Variants in RBP2 observed in about 807,000 individuals in gnomAD.
RBP2 encodes retinol binding protein 2, also known as retinol-binding protein 2.
A neutral mutation model predicts 17.0 loss-of-function variants in RBP2; 17 were observed. That is an observed-to-expected ratio of 1.00 (90% confidence interval 0.68 to 1.50). RBP2 has a LOEUF of 1.50. Ranked by LOEUF, RBP2 falls within the 40% of genes most tolerant of loss-of-function variation. The pLI is 0.00. For missense variants in RBP2, 158 were observed against 168.2 expected (o/e 0.94, Z 0.33); for synonymous variants, 48 against 57.1 (o/e 0.84, Z 0.72).
At chr3:139,474,923 T>C (rs1457193076) in intron 1 of RBP2, among the ~76,000 whole-genome samples, 1 of 152,112 alleles carries the variant, frequency 6.6e-6, no homozygotes, top group Non-Finnish European at 1.5e-5. Flanking sequence ...GGGGCTCTGG[T>C]AGGAGGATTT....
At position 139,454,810 on chromosome 3, in the gene RBP2, A is replaced by G. The variant is rs778159393; in HGVS notation, c.273T>C (p.Gly91=). ...RHVKALVTWE[G]DVLVCVQKGE... Reference sequence around the variant, plus strand: ...CCTTTTGCACACACACAAGGACATCACCTTCCCAGGTGACCAGTGCCTGTA... The same window carrying G: ...CCTTTTGCACACACACAAGGACATCGCCTTCCCAGGTGACCAGTGCCTGTA... The change falls in exon 3 of 4, where the codon GGT becomes GGC. Residue 91 remains glycine (G), a synonymous_variant. Coordinates refer to ENST00000232217, the MANE Select transcript of RBP2 (RefSeq NM_004164.3). The G allele has an allele frequency of 1.2e-6, 2 of 1,614,078 alleles. No individual in the cohort carries two copies. Among genetic ancestry groups the G allele is most frequent in the South Asian group, 1.1e-5 (1 of 91,078 alleles).
At chr3:139,474,165 A>G (rs187516581) in intron 1 of RBP2, among the ~76,000 whole-genome samples, 8 of 152,334 alleles carry the variant, frequency 5.3e-5, no homozygotes, top group African/African-American at 1.7e-4. Flanking sequence ...AGGAAGTCCA[A>G]TCTGAAACCT....
intron 2 of RBP2, among the ~76,000 whole-genome samples, chr3:139,461,252 T>C (rs973360400): frequency 6.6e-6 from 1 of 152,168 alleles, no homozygotes; most frequent in African/African-American, 2.4e-5. Flanking sequence ...CTCTGCCTTA[T>C]TTACAAACAG....
At chr3:139,454,597 T>G in intron 3 of RBP2, 132 bp downstream of exon 3, 1 of 761,664 alleles carries the variant, frequency 1.3e-6, no homozygotes, top group South Asian at 1.7e-5. Context: ...TCTGACTATA[T>G]GACCACATGC....
rs1373332745 is a variant in RBP2 at position 139,476,499 on chromosome 3, G to T, written c.-40C>A. 1.3e-6 allele frequency: 2 copies of T among 1,573,670 alleles called. No homozygotes were observed. The highest frequency in any genetic ancestry group is 1.7e-6 in the Non-Finnish European group (2 of 1,143,714). On this transcript the variant is annotated 5_prime_UTR_variant, in exon 1 of 4. Coordinates refer to ENST00000232217, the MANE Select transcript of RBP2 (RefSeq NM_004164.3). Reference sequence around the variant, plus strand: ...GTTCGGTGAGGGTTTGTGGTGGATGGCAAGGAGCAGGCTGCAGGGAGAATA... The same window carrying T: ...GTTCGGTGAGGGTTTGTGGTGGATGTCAAGGAGCAGGCTGCAGGGAGAATA...
At chr3:139,457,850 C>T (rs1933028180) in intron 2 of RBP2, among the ~76,000 whole-genome samples, 1 of 152,156 alleles carries the variant, frequency 6.6e-6, no homozygotes. Context: ...AACCTGGGCT[C>T]CCACCATGCT....
intron 2 of RBP2, among the ~76,000 whole-genome samples, chr3:139,459,588 A>G (rs188273608): frequency 1.3e-5 from 2 of 151,076 alleles, no homozygotes; most frequent in African/African-American, 4.9e-5. Flanking sequence ...GAGCCACTGC[A>G]CTCCAGCCTG....
At chr3:139,454,908 C>G in intron 2 of RBP2, 78 bp from the exon 3 acceptor site, 5 of 1,365,756 alleles carry the variant, frequency 3.7e-6, no homozygotes, top group Non-Finnish European at 5.2e-6. Context: ...AGCTGCAATT[C>G]CTGCAGCCAT....
chr3:139,468,481 C>A (rs1177738967), intron 1 of RBP2, among the ~76,000 whole-genome samples: 2 of 152,192 alleles, frequency 1.3e-5, no homozygotes, highest in Non-Finnish European at 2.9e-5. Context: ...AATCAAGCAT[C>A]ACTACTCTTC....
chr3:139,461,394 G>C (rs56115181), intron 2 of RBP2, among the ~76,000 whole-genome samples: 3,133 of 152,218 alleles, frequency 0.021, 87 homozygotes, highest in African/African-American at 0.068. Flanking sequence ...TTCAAATGGT[G>C]AAAGTCTGGC....
At chr3:139,462,598 C>CACACACACACACACACACACACACGT (rs1553721838) in intron 1 of RBP2, among the ~76,000 whole-genome samples, 1 of 150,448 alleles carries the variant, frequency 6.6e-6, no homozygotes, top group African/African-American at 2.5e-5. Flanking sequence ...CACACACACA[C>CACACACACACACACACACACACACGT]GTCACAGCAG....
At chr3:139,473,956 T>C (rs1576429256) in intron 1 of RBP2, among the ~76,000 whole-genome samples, 1 of 152,212 alleles carries the variant, frequency 6.6e-6, no homozygotes, top group East Asian at 1.9e-4. Context: ...ATTCCCACTC[T>C]GGGTTTACCT....
chr3:139,463,313 A>C (rs894444454), intron 1 of RBP2, among the ~76,000 whole-genome samples: 1 of 152,048 alleles, frequency 6.6e-6, no homozygotes, highest in African/African-American at 2.4e-5. Flanking sequence ...CAGCCTCCCA[A>C]GTAGCTGGGA....
chr3:139,461,372 T>A (rs1247294092), intron 2 of RBP2, among the ~76,000 whole-genome samples: 1 of 152,182 alleles, frequency 6.6e-6, no homozygotes, highest in Non-Finnish European at 1.5e-5. Context: ...GGGTCCCATC[T>A]ATATTCAGTA....
At chr3:139,458,326 C>A (rs766395138) in intron 2 of RBP2, among the ~76,000 whole-genome samples, 1 of 152,210 alleles carries the variant, frequency 6.6e-6, no homozygotes, top group East Asian at 1.9e-4. Context: ...CCTCTGGCAG[C>A]GCCTGTCTGC....
At chr3:139,475,274 G>A (rs1165861436) in intron 1 of RBP2, among the ~76,000 whole-genome samples, 3 of 144,240 alleles carry the variant, frequency 2.1e-5, no homozygotes, top group African/African-American at 7.8e-5. Flanking sequence ...AGCTGAGATC[G>A]CGCCACTGCA....
At chr3:139,466,935 C>T (rs1438531980) in intron 1 of RBP2, 4 of 152,364 alleles carry the variant, frequency 2.6e-5, no homozygotes, top group African/African-American at 9.7e-5. Context: ...TCTTTCTTGC[C>T]TCCTTCCTTA....
chr3:139,468,674 GCACA>G (rs3836323), intron 1 of RBP2, among the ~76,000 whole-genome samples: 1 of 150,620 alleles, frequency 6.6e-6, no homozygotes, highest in Non-Finnish European at 1.5e-5. Flanking sequence ...ACACACACAT[GCACA>G]CACACACACA....
chr3:139,470,281 C>T (rs1933519360), intron 1 of RBP2, among the ~76,000 whole-genome samples: 4 of 152,130 alleles, frequency 2.6e-5, no homozygotes, highest in Admixed American at 2.6e-4. Context: ...GACCCAAATT[C>T]ATTTCTATCA....
Sources: gnomAD v4.1 joint callset for allele counts (sites outside exome capture counted in the v4.1 genomes callset) on GRCh38, gnomAD v4.1.1 for gene constraint, MANE v1.5 for transcripts, NCBI Gene and HGNC (gene_info 2026-07-23, HGNC 2026-07-21) for gene names.